The following RXFP2 variants were observed in gnomAD, a reference collection of about 807,000 sequenced individuals.
The protein encoded by RXFP2 is relaxin family peptide receptor 2.
A neutral mutation model predicts 88.6 loss-of-function variants in RXFP2; 68 were observed. The observed-to-expected ratio is 0.77, with a 90% CI of 0.63 to 0.94. The LOEUF is 0.94. Among genes scored for constraint, RXFP2 ranks in the 40% least tolerant of loss-of-function variants. The probability of loss-of-function intolerance (pLI) is 0.00; values close to 1 mark genes in which losing one functional copy is unlikely to be tolerated. For synonymous variants in RXFP2, 329 were observed against 306.8 expected (o/e 1.07, Z -0.76); for missense variants, 791 against 893.9 (o/e 0.88, Z 1.47).
At chr13:31,765,273 A>G in intron 4 of RXFP2, 131 bp downstream of exon 4, 1 of 665,160 alleles carries the variant, frequency 1.5e-6, no homozygotes, top group Admixed American at 2.2e-5. Context: ...TCATCAGAGA[A>G]TTCTCCATGC....
chr13:31,751,555 A>G (rs1871674610), intron 1 of RXFP2, among the ~76,000 whole-genome samples: 1 of 152,190 alleles, frequency 6.6e-6, no homozygotes, highest in South Asian at 2.1e-4. Context: ...GGTCCTGCCC[A>G]AACATACACT....
At chr13:31,771,547 T>G (rs1228572491) in intron 5 of RXFP2, among the ~76,000 whole-genome samples, 1 of 152,104 alleles carries the variant, frequency 6.6e-6, no homozygotes, top group Non-Finnish European at 1.5e-5. Flanking sequence ...TCCCAGCACT[T>G]TCAGAGGCTG....
At chr13:31,796,290 C>T (rs1455120210) in intron 16 of RXFP2, among the ~76,000 whole-genome samples, 1 of 151,110 alleles carries the variant, frequency 6.6e-6, no homozygotes, top group Non-Finnish European at 1.5e-5. Flanking sequence ...ACCTCATGAT[C>T]CACCCGCCTC....
intron 7 of RXFP2, among the ~76,000 whole-genome samples, chr13:31,776,082 TTCC>T (rs1421686928): frequency 3.2e-4 from 29 of 90,506 alleles, no homozygotes; most frequent in African/African-American, 1.2e-3. Flanking sequence ...CTTTCTTTCC[TTCC>T]TTCTTTCTTT....
At chr13:31,740,413 C>A (rs1221285924) in intron 1 of RXFP2, among the ~76,000 whole-genome samples, 1 of 151,832 alleles carries the variant, frequency 6.6e-6, no homozygotes. Context: ...TTAACCACAC[C>A]CAAGATTTGC....
chr13:31,759,686 C>T (rs1343733627), intron 2 of RXFP2, among the ~76,000 whole-genome samples: 3 of 152,076 alleles, frequency 2.0e-5, no homozygotes, highest in Non-Finnish European at 4.4e-5. Context: ...AAACTGATGC[C>T]AAGAGAGGCT....
At chr13:31,781,539 C>T in intron 9 of RXFP2, 132 bp from the exon 10 acceptor site, 4 of 613,958 alleles carry the variant, frequency 6.5e-6, no homozygotes, top group Non-Finnish European at 1.1e-5. Flanking sequence ...ACTAACCTTG[C>T]AATAATTAGG....
At chr13:31,757,843 C>A (rs764496124) in intron 1 of RXFP2, among the ~76,000 whole-genome samples, 2 of 152,152 alleles carry the variant, frequency 1.3e-5, no homozygotes, top group Non-Finnish European at 2.9e-5. Flanking sequence ...CCTGTAATCC[C>A]GGCACTTTGG....
At chr13:31,799,525 A>G (rs1433784889) in intron 17 of RXFP2, among the ~76,000 whole-genome samples, 1 of 151,962 alleles carries the variant, frequency 6.6e-6, no homozygotes, top group Non-Finnish European at 1.5e-5. Flanking sequence ...CCGTCTCCAC[A>G]CCTTTTGATG....
intron 13 of RXFP2, 108 bp from the exon 14 acceptor site, chr13:31,789,014 C>T (rs1328834716): frequency 6.6e-6 from 5 of 762,720 alleles, no homozygotes; most frequent in Non-Finnish European, 1.2e-5. Context: ...TTCTAATCTG[C>T]ATTGGTAACA....
At position 31,791,918 on chromosome 13, in the gene RXFP2, A is replaced by T. The variant is rs554578320; in HGVS notation, c.1258A>T (p.Ile420Leu). The T allele has an allele frequency of 1.2e-5, 20 of 1,614,114 alleles. No individual in the cohort carries two copies. In the South Asian group the frequency reaches 2.0e-4, roughly 16 times the overall value. The change falls in exon 15 of 18, where the codon ATA (isoleucine) becomes TTA (leucine). Residue 420 changes from isoleucine to leucine, a missense_variant. By Grantham distance (5) the Ile-to-Leu change is conservative. Transcript: ENST00000298386. Reference sequence around the variant, plus strand: ...CCTCTTGGCTAACAATATCCTCAGAATATTTGTCTGGGTTATAGCTTTCAT... The same window carrying T: ...CCTCTTGGCTAACAATATCCTCAGATTATTTGTCTGGGTTATAGCTTTCAT... ...EDLLANNILR[I>L]FVWVIAFITC... is the part of the protein sequence containing the mutation.
intron 7 of RXFP2, among the ~76,000 whole-genome samples, chr13:31,776,993 A>G (rs1012027863): frequency 6.6e-6 from 1 of 152,188 alleles, no homozygotes; most frequent in Non-Finnish European, 1.5e-5. Flanking sequence ...CCTAAAAATT[A>G]TACTTTAATT....
rs756761703 is a variant in RXFP2, at chr13:31,781,655, C to T, written c.786-16C>T. On this transcript the variant is annotated splice_polypyrimidine_tract_variant and intron_variant, in intron 9 of 17. Transcript: ENST00000298386. ...TACAAAAAATATTAAAAATATCTTT[C>T]CTCCATGACTTCCAGGGATTTGGAA... The T allele has an allele frequency of 8.9e-6, 14 of 1,569,072 alleles. No individual in the cohort carries two copies. In the South Asian group the frequency reaches 1.2e-4, roughly 14 times the overall value.
At position 31,791,869 on chromosome 13, in the gene RXFP2, G is replaced by C. The variant is rs891975228; in HGVS notation, c.1209G>C (p.Thr403=). 2 of 1,613,942 alleles carry C rather than the reference G, an allele frequency of 1.2e-6. No homozygotes were observed. Among genetic ancestry groups the C allele is most frequent in the Admixed American group, 1.7e-5 (1 of 59,990 alleles). The part of the protein sequence containing the change: ...APHVRICMPL[T]DGISSFEDLL... The stretch of plus-strand genomic sequence containing the variant: ...ATGTCCGAATATGTATGCCCTTGAC[G>C]GACGGCATTTCTTCATTTGAGGACC... The change falls in exon 15 of 18, where the codon ACG becomes ACC. Residue 403 remains threonine (T), a synonymous_variant. Coordinates refer to ENST00000298386, the MANE Select transcript of RXFP2 (RefSeq NM_130806.5).
At chr13:31,769,046 G>A (rs1872646897) in intron 5 of RXFP2, among the ~76,000 whole-genome samples, 1 of 152,148 alleles carries the variant, frequency 6.6e-6, no homozygotes, top group Non-Finnish European at 1.5e-5. Context: ...TCACTCCTGT[G>A]ATGAATATTT....
At chr13:31,797,466 A>T in intron 17 of RXFP2, 47 bp downstream of exon 17, 1 of 1,410,102 alleles carries the variant, frequency 7.1e-7, no homozygotes, top group Non-Finnish European at 1.0e-6. Context: ...GTGCCTTCTT[A>T]CGTCCTTCTT....
chr13:31,761,802 G>A lies in RXFP2; in HGVS notation c.319+1G>A. ...AGCGTGGCCTTAACACAGGAGTGCT[G>A]TAAGTGGTTTTGATTCAAAGACAGT... On this transcript the variant is annotated splice_donor_variant, in intron 3 of 17. Transcript: ENST00000298386. LOFTEE classifies it high-confidence loss of function. 1 of 1,603,934 alleles carries A rather than the reference G, an allele frequency of 6.2e-7. No individual in the cohort carries two copies. Among genetic ancestry groups the A allele is most frequent in the Non-Finnish European group, 8.5e-7 (1 of 1,171,014 alleles).
intron 5 of RXFP2, among the ~76,000 whole-genome samples, chr13:31,770,887 G>A (rs1025410944): frequency 3.9e-5 from 6 of 152,186 alleles, no homozygotes; most frequent in African/African-American, 1.4e-4. Flanking sequence ...AAGGACTAAT[G>A]AGTATTTGCT....
intron 3 of RXFP2, among the ~76,000 whole-genome samples, chr13:31,762,135 A>C (rs1363223636): frequency 6.6e-6 from 1 of 152,244 alleles, no homozygotes; most frequent in South Asian, 2.1e-4. Flanking sequence ...ACTAAGACTG[A>C]GTTCTAACCC....
Sources: gnomAD v4.1 joint callset for allele counts (sites outside exome capture counted in the v4.1 genomes callset) on GRCh38, gnomAD v4.1.1 for gene constraint, MANE v1.5 for transcripts, NCBI Gene and HGNC (gene_info 2026-07-23, HGNC 2026-07-21) for gene names.